PCDHGA1: variants seen among roughly 807,000 people sequenced by gnomAD.
PCDHGA1 encodes the protein protocadherin gamma-A1.
Under a neutral mutation model 58.0 loss-of-function variants are expected in PCDHGA1, and 32 were observed. The observed-to-expected ratio is 0.55, with a 90% CI of 0.42 to 0.74. The LOEUF (loss-of-function observed/expected upper bound fraction) is 0.74. Ranked by LOEUF, PCDHGA1 falls within the 30% of genes least tolerant of loss-of-function variation. The pLI is 0.00. For missense variants in PCDHGA1, 1,205 were observed against 1,182.3 expected, an observed-to-expected ratio of 1.02 and a Z score of -0.28; for synonymous variants, 498 against 501.1, an observed-to-expected ratio of 0.99 and a Z score of 0.08.
Position 141,487,870 on chromosome 5 carries a change from C to A in PCDHGA1, c.2422-6937C>A. On this transcript the variant is annotated intron_variant, in intron 1 of 3. Transcript: ENST00000517417. This position sits in a 1 kb window ranked among gnomAD's most constrained non-coding sequence, Gnocchi z 5.0. ...AATGAAAGTAATTGGTGATCAAGAGCCAGGCTGTTGTGGAAGCATGATGAT... is the reference window on the plus strand; with the variant it reads ...AATGAAAGTAATTGGTGATCAAGAGACAGGCTGTTGTGGAAGCATGATGAT... 3.5e-6 allele frequency: 3 copies of A among 865,052 alleles called. No individual in the cohort carries two copies. The highest frequency in any genetic ancestry group is 5.3e-6 in the Non-Finnish European group (3 of 568,628). The allele number at this position is 865,052 out of a possible 1,614,324, so 53.6% of individuals were successfully genotyped here.
At position 141,361,241 on chromosome 5, in the gene PCDHGA1, T is replaced by C. The variant is rs774637844; in HGVS notation, c.2421+28136T>C. Reference sequence around the variant, plus strand: ...CCACCAGGAACAGTGATCGCCTTGATAAAAACGAGAGACAGAGACTCTGGA... The same window carrying C: ...CCACCAGGAACAGTGATCGCCTTGACAAAAACGAGAGACAGAGACTCTGGA... On this transcript the variant is annotated intron_variant, in intron 1 of 3. Coordinates refer to ENST00000517417, the MANE Select transcript of PCDHGA1 (RefSeq NM_018912.3). 3.7e-6 allele frequency: 6 copies of C among 1,613,960 alleles called. No homozygotes were observed. In the South Asian group the frequency reaches 6.6e-5, roughly 18 times the overall value.
At chr5:141,362,193 A>G (rs747599782) in intron 1 of PCDHGA1, 54 of 1,613,866 alleles carry the variant, frequency 3.3e-5, no homozygotes, top group Middle Eastern at 1.6e-4. Flanking sequence ...ACCCCCAGGC[A>G]AAACTGCAGT....
At chr5:141,361,313 T>G in intron 1 of PCDHGA1, 1 of 1,613,982 alleles carries the variant, frequency 6.2e-7, no homozygotes, top group Non-Finnish European at 8.5e-7. Context: ...GCCAAGTTTA[T>G]TTTGAAATCT....
intron 1 of PCDHGA1, chr5:141,375,208 C>T: frequency 1.2e-6 from 2 of 1,613,958 alleles, no homozygotes; most frequent in Non-Finnish European, 8.5e-7. Flanking sequence ...TCGATCGAGA[C>T]TCTGGCCTGA....
At chr5:141,442,754 T>C (rs2098341364) in intron 1 of PCDHGA1, among the ~76,000 whole-genome samples, 1 of 152,220 alleles carries the variant, frequency 6.6e-6, no homozygotes, top group Non-Finnish European at 1.5e-5. Flanking sequence ...GTTTTGATTA[T>C]ATATATTTGT....
At chr5:141,408,438 C>T (rs749271632) in intron 1 of PCDHGA1, 1 of 1,614,014 alleles carries the variant, frequency 6.2e-7, no homozygotes. Context: ...AGCGTAGACG[C>T]GGAGAGCGGG....
intron 1 of PCDHGA1, chr5:141,385,418 A>C: frequency 6.8e-7 from 1 of 1,466,614 alleles, no homozygotes; most frequent in Non-Finnish European, 9.0e-7. Flanking sequence ...ATAGGGATTT[A>C]AAAAACTTTA....
In PCDHGA1 at chr5:141,476,374, GTTTGTGAACGACCGTC is replaced by G. The variant is rs1424626307; in HGVS notation, c.2422-18431_2422-18416del. 1 of 1,614,060 alleles carries G rather than the reference GTTTGTGAACGACCGTC, an allele frequency of 6.2e-7. No individual in the cohort carries two copies. The highest frequency in any genetic ancestry group is 1.3e-5 in the African/African-American group (1 of 74,922). Reference sequence around the variant, plus strand: ...AGGTGAACCGGGAGACCGGAGAGATGTTTGTGAACGACCGTCTGGATCGAGAGGAGCTGTGTGGGAC... The same window carrying G: ...AGGTGAACCGGGAGACCGGAGAGATGTGGATCGAGAGGAGCTGTGTGGGAC... On this transcript the variant is annotated intron_variant, in intron 1 of 3. Coordinates refer to ENST00000517417, the MANE Select transcript of PCDHGA1 (RefSeq NM_018912.3). The surrounding 1 kb of genome is among the most constrained non-coding windows in gnomAD (Gnocchi z 7.6).
intron 1 of PCDHGA1, chr5:141,366,505 T>G (rs368019745): frequency 6.2e-7 from 1 of 1,614,136 alleles, no homozygotes; most frequent in African/African-American, 1.3e-5. Context: ...CACGCCTGCT[T>G]CAGGCTGAAG....
At chr5:141,344,637 C>A in intron 1 of PCDHGA1, 1 of 1,613,842 alleles carries the variant, frequency 6.2e-7, no homozygotes, top group Non-Finnish European at 8.5e-7. Context: ...GGCCCTGGAC[C>A]GTGAGAAAAA....
chr5:141,489,990 A>G lies in PCDHGA1; in HGVS notation c.2422-4817A>G. ...TCCAATCCTCAGTTCTACGTGTGGG[A>G]ATCCCAGAGAATGCACCCATTGGTA... is the stretch of plus-strand genomic sequence containing the variant. On this transcript the variant is annotated intron_variant, in intron 1 of 3. Transcript: ENST00000517417. This position sits in a 1 kb window ranked among gnomAD's most constrained non-coding sequence, Gnocchi z 4.5. 6.2e-7 allele frequency: 1 copy of G among 1,614,256 alleles called. No individual in the cohort carries two copies. Among genetic ancestry groups the G allele is most frequent in the Non-Finnish European group, 8.5e-7 (1 of 1,180,030 alleles).
chr5:141,423,150 G>A, intron 1 of PCDHGA1: 1 of 1,613,538 alleles, frequency 6.2e-7, no homozygotes, highest in Non-Finnish European at 8.5e-7. Flanking sequence ...CGCTCAAGCA[G>A]AGCCTCGTGG....
At position 141,477,961 on chromosome 5, in the gene PCDHGA1, C is replaced by G. The variant is rs199947431; in HGVS notation, c.2422-16846C>G. On this transcript the variant is annotated intron_variant, in intron 1 of 3. Transcript: ENST00000517417. The surrounding 1 kb of genome is among the most constrained non-coding windows in gnomAD (Gnocchi z 4.9). ...CCTACAGTCTCTTGGGATCCCCTAA[C>G]CAGAGCCTTTTTGCCATAGGGCTGC... 10 of 1,614,166 alleles carry G rather than the reference C, an allele frequency of 6.2e-6. No individual in the cohort carries two copies. Among genetic ancestry groups the G allele is most frequent in the Middle Eastern group, 3.3e-4 (2 of 6,062 alleles).
chr5:141,368,244 T>G (rs1016552199), intron 1 of PCDHGA1, among the ~76,000 whole-genome samples: 4 of 152,156 alleles, frequency 2.6e-5, no homozygotes, highest in Non-Finnish European at 5.9e-5. Flanking sequence ...CTCAACCACA[T>G]GAAAGGTTAA....
chr5:141,480,137 A>G (rs1183663599), intron 1 of PCDHGA1, among the ~76,000 whole-genome samples: 2 of 152,096 alleles, frequency 1.3e-5, no homozygotes, highest in Non-Finnish European at 2.9e-5. Context: ...CTGTTAAACA[A>G]TTATTAGCCA....
In PCDHGA1 at chr5:141,354,828, AC is replaced by A. The variant is rs538723312; in HGVS notation, c.2421+21724del. ...TTCATAAAGTTTATTGTACAGGAAGACTTGGATCATTCTTGAATTTTCATTG... is the reference window on the plus strand; with the variant it reads ...TTCATAAAGTTTATTGTACAGGAAGATTGGATCATTCTTGAATTTTCATTG... On this transcript the variant is annotated intron_variant, in intron 1 of 3. Transcript: ENST00000517417. Among the ~76,000 whole-genome samples the A allele has an allele frequency of 1.0e-3, 152 of 152,348 alleles. 1 individual carries two copies. The highest frequency in any genetic ancestry group is 3.3e-3 in the African/African-American group (137 of 41,574).
chr5:141,372,442 A>T, intron 1 of PCDHGA1: 1 of 1,613,914 alleles, frequency 6.2e-7, no homozygotes, highest in South Asian at 1.1e-5. Flanking sequence ...ACTCCCTCTG[A>T]CCCTCAGGCG....
At chr5:141,467,514 T>C (rs2154569535) in intron 1 of PCDHGA1, among the ~76,000 whole-genome samples, 1 of 152,362 alleles carries the variant, frequency 6.6e-6, no homozygotes, top group South Asian at 2.1e-4. Flanking sequence ...TTGGAGTTTA[T>C]TCTTTTGTGT....
rs766746841 is a variant in PCDHGA1 at position 141,374,327 on chromosome 5, G to A, written c.2421+41222G>A. 1.2e-5 allele frequency: 20 copies of A among 1,613,866 alleles called. No individual in the cohort carries two copies. In the East Asian group the frequency reaches 4.0e-4, roughly 32 times the overall value. ...GCTTTTCTCTCTGAATCCGCGAAAC[G>A]GCAGCTTGGTCACCGCGGGTAGGAT... is the stretch of plus-strand genomic sequence containing the variant. On this transcript the variant is annotated intron_variant, in intron 1 of 3. Coordinates refer to ENST00000517417, the MANE Select transcript of PCDHGA1 (RefSeq NM_018912.3).
Sources: gnomAD v4.1 joint callset for allele counts (sites outside exome capture counted in the v4.1 genomes callset) on GRCh38, gnomAD v4.1.1 for gene constraint, Gnocchi (gnomAD v3.1) non-coding constraint, MANE v1.5 for transcripts, NCBI Gene and HGNC (gene_info 2026-07-23, HGNC 2026-07-21) for gene names.